The following NCKAP5 variants were observed in gnomAD, a reference collection of about 807,000 sequenced individuals.
The protein encoded by NCKAP5 is NCK associated protein 5, also known as nck-associated protein 5.
In NCKAP5, 92 loss-of-function variants were observed where a neutral mutation model predicts 167.0. The observed-to-expected ratio is 0.55, with a 90% CI of 0.47 to 0.66. NCKAP5 has a LOEUF of 0.66. NCKAP5 is among the 30% of genes least tolerant of loss of function. NCKAP5 has a pLI of 0.00. For synonymous variants in NCKAP5, 891 were observed against 877.4 expected, an observed-to-expected ratio of 1.02 and a Z score of -0.27; for missense variants, 2,378 against 2,315.0, an observed-to-expected ratio of 1.03 and a Z score of -0.56.
chr2:133,454,399 A>T (rs1182377662), intron 3 of NCKAP5, among the ~76,000 whole-genome samples: 1 of 152,092 alleles, frequency 6.6e-6, no homozygotes, highest in Non-Finnish European at 1.5e-5. Flanking sequence ...GAAACACATT[A>T]GAAAGCTTTA....
At chr2:133,012,558 C>A (rs1002500977) in intron 6 of NCKAP5, among the ~76,000 whole-genome samples, 2 of 152,166 alleles carry the variant, frequency 1.3e-5, no homozygotes, top group East Asian at 3.9e-4. Flanking sequence ...CATCAATGGG[C>A]CTGAAGTCCT....
intron 19 of NCKAP5, among the ~76,000 whole-genome samples, chr2:132,716,174 C>T (rs1387114410): frequency 1.3e-5 from 2 of 152,090 alleles, no homozygotes; most frequent in African/African-American, 2.4e-5. Context: ...ATTTTAAATG[C>T]CTGATGTATT....
chr2:132,717,636 C>T (rs1242962999), intron 19 of NCKAP5, among the ~76,000 whole-genome samples: 2 of 152,202 alleles, frequency 1.3e-5, no homozygotes, highest in Non-Finnish European at 2.9e-5. Context: ...GAGCTGTTAT[C>T]CCTCAGCGTC....
At chr2:133,559,472 C>T (rs1336562848) in intron 1 of NCKAP5, among the ~76,000 whole-genome samples, 1 of 152,110 alleles carries the variant, frequency 6.6e-6, no homozygotes, top group African/African-American at 2.4e-5. Context: ...GTGCACATCA[C>T]CATGCCCAGG....
chr2:133,311,673 T>G (rs972524289), intron 3 of NCKAP5, among the ~76,000 whole-genome samples: 2 of 152,152 alleles, frequency 1.3e-5, no homozygotes, highest in African/African-American at 4.8e-5. Context: ...CAGAAAATTC[T>G]AAGGGATTTA....
At chr2:132,943,899 C>T (rs927942553) in intron 8 of NCKAP5, among the ~76,000 whole-genome samples, 9 of 152,146 alleles carry the variant, frequency 5.9e-5, no homozygotes, top group African/African-American at 2.2e-4. Context: ...ACGTAGCCTC[C>T]TGGGGCTGGG....
chr2:133,577,003 C>T, the NCKAP5 span, among the ~76,000 whole-genome samples: 2 of 152,310 alleles, frequency 1.3e-5, no homozygotes, highest in African/African-American at 4.8e-5. Flanking sequence ...CCAGTTTCCA[C>T]CTAAGCCTCT....
chr2:133,425,215 T>C (rs573943830), intron 3 of NCKAP5, among the ~76,000 whole-genome samples: 16 of 152,290 alleles, frequency 1.1e-4, no homozygotes, highest in African/African-American at 3.6e-4. Flanking sequence ...GGTTTACATC[T>C]GAAACATTAT....
chr2:133,342,182 G>A (rs976863578), intron 3 of NCKAP5, among the ~76,000 whole-genome samples: 7 of 152,160 alleles, frequency 4.6e-5, no homozygotes, highest in Non-Finnish European at 2.9e-5. Flanking sequence ...CTCGTGATCC[G>A]CCCGCCTCGG....
chr2:133,189,344 C>T (rs561557661), intron 5 of NCKAP5, among the ~76,000 whole-genome samples: 2 of 152,242 alleles, frequency 1.3e-5, no homozygotes, highest in East Asian at 3.9e-4. Context: ...CAGCTGAATT[C>T]TACCAGAGGT....
intron 4 of NCKAP5, among the ~76,000 whole-genome samples, chr2:133,276,094 T>C (rs112457798): frequency 5.3e-4 from 81 of 152,168 alleles, no homozygotes; most frequent in Middle Eastern, 6.8e-3. Context: ...AGGATGAAGG[T>C]CTTTATGATG....
the NCKAP5 span, among the ~76,000 whole-genome samples, chr2:133,579,343 C>T: frequency 6.6e-6 from 1 of 152,116 alleles, no homozygotes. Context: ...TATAATGAAA[C>T]TAAAGAAGGA....
At chr2:132,893,811 C>A (rs780517419) in intron 8 of NCKAP5, among the ~76,000 whole-genome samples, 1 of 152,024 alleles carries the variant, frequency 6.6e-6, no homozygotes, top group East Asian at 1.9e-4. Flanking sequence ...CAATGTTTTG[C>A]TTCATTATTT....
chr2:133,471,559 G>C (rs942804216), intron 3 of NCKAP5, among the ~76,000 whole-genome samples: 1 of 152,180 alleles, frequency 6.6e-6, no homozygotes, highest in Non-Finnish European at 1.5e-5. Flanking sequence ...GCAGGCAGAG[G>C]GTCTCAAGCT....
chr2:132,781,056 G>A lies in NCKAP5; in HGVS notation c.5045C>T (p.Ser1682Phe). The A allele has an allele frequency of 6.2e-7, 1 of 1,613,146 alleles. No individual in the cohort carries two copies. Among genetic ancestry groups the A allele is most frequent in the Non-Finnish European group, 8.5e-7 (1 of 1,179,510 alleles). Residue 1682 changes from serine (S) to phenylalanine (F), a missense_variant, in exon 15 of 20, where the codon TCC becomes TTC. Physicochemically the swap from Ser to Phe is radical, Grantham distance 155. Around this residue, in one of 3 missense-constraint regions of NCKAP5, gnomAD observed 1,325 missense variants for 1,274.5 expected, o/e 1.04. Transcript: ENST00000409261. ...IKADMEVPKD[S>F]LVKEANENLQ... Reference sequence around the variant, plus strand: ...CCAGGATGGTGGAGCACTTACCAGGGAGTCTTTTGGTACTTCCATATCGGC... The same window carrying A: ...CCAGGATGGTGGAGCACTTACCAGGAAGTCTTTTGGTACTTCCATATCGGC...
chr2:133,099,643 C>T (rs1035497811), intron 6 of NCKAP5, among the ~76,000 whole-genome samples: 1 of 152,114 alleles, frequency 6.6e-6, no homozygotes, highest in African/African-American at 2.4e-5. Flanking sequence ...ACCAAATGAT[C>T]AGATAGATAG....
At chr2:132,762,882 A>C (rs1681132445) in intron 16 of NCKAP5, among the ~76,000 whole-genome samples, 1 of 152,084 alleles carries the variant, frequency 6.6e-6, no homozygotes, top group Non-Finnish European at 1.5e-5. Context: ...GGGGACTTTC[A>C]CTCAAAGGAA....
chr2:133,636,974 C>G, the NCKAP5 span, among the ~76,000 whole-genome samples: 1 of 151,990 alleles, frequency 6.6e-6, no homozygotes, highest in Non-Finnish European at 1.5e-5. Context: ...TTCTCCATCC[C>G]CCAGCATGAA....
intron 3 of NCKAP5, among the ~76,000 whole-genome samples, chr2:133,492,484 C>A (rs941675915): frequency 2.6e-5 from 4 of 152,104 alleles, no homozygotes; most frequent in Non-Finnish European, 5.9e-5. Context: ...GCTTCCTGTG[C>A]GTGGTCTCTG....
Sources: allele counts gnomAD v4.1 joint callset (sites outside exome capture counted in the v4.1 genomes callset), GRCh38; gene constraint gnomAD v4.1.1; regional missense constraint gnomAD v4.1.1; transcripts MANE v1.5; gene names NCBI Gene and HGNC (gene_info 2026-07-23, HGNC 2026-07-21).